IBTK: variants seen among roughly 807,000 people sequenced by gnomAD.
The protein encoded by IBTK is inhibitor of Bruton tyrosine kinase.
In IBTK, 83 loss-of-function variants were observed where a neutral mutation model predicts 154.9. The observed-to-expected ratio is 0.54, with a 90% CI of 0.45 to 0.64. The LOEUF is 0.64. IBTK is among the 30% of genes least tolerant of loss of function. The probability of loss-of-function intolerance (pLI) is 0.00; values close to 1 mark genes in which losing one functional copy is unlikely to be tolerated. For synonymous variants in IBTK, 515 were observed against 536.1 expected, an observed-to-expected ratio of 0.96 and a Z score of 0.54; for missense variants, 1,332 against 1,584.6, an observed-to-expected ratio of 0.84 and a Z score of 2.71.
chr6:82,173,316 G>A, intron 27 of IBTK, 51 bp downstream of exon 27: 1 of 1,350,634 alleles, frequency 7.4e-7, no homozygotes, highest in Non-Finnish European at 1.1e-6. Context: ...TGTTTTCAAT[G>A]CTAAGCAGCA....
intron 3 of IBTK, among the ~76,000 whole-genome samples, chr6:82,233,787 C>G (rs1380245465): frequency 6.9e-6 from 1 of 144,166 alleles, no homozygotes; most frequent in Non-Finnish European, 1.5e-5. Context: ...GATCTCAACT[C>G]ACTGCAACCT....
chr6:82,215,287 A>T (rs1331731800), intron 11 of IBTK, among the ~76,000 whole-genome samples: 1 of 152,070 alleles, frequency 6.6e-6, no homozygotes, highest in African/African-American at 2.4e-5. Flanking sequence ...TCCCTCTTCA[A>T]CAGTACCCTT....
rs1770629699 is a variant in IBTK, at chr6:82,234,217, C to T, written c.360G>A (p.Leu120=). 2 of 1,604,350 alleles carry T rather than the reference C, an allele frequency of 1.2e-6. No homozygotes were observed. Among genetic ancestry groups the T allele is most frequent in the Non-Finnish European group, 1.7e-6 (2 of 1,173,460 alleles). The part of the protein sequence containing the change: ...VSLYIQDKEG[L]SALDLVMKDR... ...CCTTCATTACAAGATCCAAAGCTGA[C>T]AAGCCTTCTTTATCTTGAATATACA... The change falls in exon 3 of 29, where the codon TTG becomes TTA. Residue 120 remains leucine, a synonymous_variant. Coordinates refer to ENST00000306270, the MANE Select transcript of IBTK (RefSeq NM_015525.4).
chr6:82,243,415 G>T (rs528515756), intron 1 of IBTK, among the ~76,000 whole-genome samples: 1 of 152,100 alleles, frequency 6.6e-6, no homozygotes, highest in African/African-American at 2.4e-5. Context: ...TGAAAATTTT[G>T]GAAATAAACA....
intron 5 of IBTK, 97 bp downstream of exon 5, chr6:82,227,095 G>A (rs764725904): frequency 6.1e-5 from 41 of 667,922 alleles, no homozygotes; most frequent in Admixed American, 2.3e-4. Flanking sequence ...GTATTATTTC[G>A]TCCTTACAGT....
intron 2 of IBTK, among the ~76,000 whole-genome samples, chr6:82,234,635 C>T (rs1255320436): frequency 3.3e-5 from 5 of 151,964 alleles, no homozygotes; most frequent in Admixed American, 2.0e-4. Flanking sequence ...CACACCTGGC[C>T]GACTTCCTAT....
At chr6:82,237,754 C>A (rs1289408161) in intron 2 of IBTK, among the ~76,000 whole-genome samples, 3 of 150,946 alleles carry the variant, frequency 2.0e-5, no homozygotes, top group Non-Finnish European at 4.4e-5. Flanking sequence ...TTTACTATTA[C>A]TATATAATAA....
chr6:82,235,419 C>T (rs1192597831), intron 2 of IBTK, among the ~76,000 whole-genome samples: 1 of 151,966 alleles, frequency 6.6e-6, no homozygotes, highest in Non-Finnish European at 1.5e-5. Flanking sequence ...CATGCTGAAA[C>T]CCCATCTGTA....
chr6:82,212,021 G>T (rs967548904), intron 13 of IBTK, among the ~76,000 whole-genome samples: 2 of 151,860 alleles, frequency 1.3e-5, no homozygotes, highest in African/African-American at 4.8e-5. Context: ...TTGAAACGGG[G>T]TCTCGTTCTG....
In IBTK at chr6:82,211,470, G is replaced by T; in HGVS notation, c.2374+20C>A. The T allele has an allele frequency of 6.2e-7, 1 of 1,606,908 alleles. No individual in the cohort carries two copies. Among genetic ancestry groups the T allele is most frequent in the Non-Finnish European group, 8.5e-7 (1 of 1,173,748 alleles). ...CAATACTACAGCAAATAAATCAGCA[G>T]CTTTAAAAAGTGCACCTACCAAGTC... On this transcript the variant is annotated intron_variant, in intron 14 of 28. Coordinates refer to ENST00000306270, the MANE Select transcript of IBTK (RefSeq NM_015525.4).
chr6:82,190,011 A>C (rs773429554), intron 25 of IBTK, among the ~76,000 whole-genome samples: 1 of 152,162 alleles, frequency 6.6e-6, no homozygotes, highest in Non-Finnish European at 1.5e-5. Flanking sequence ...AGTCCCTTAC[A>C]TTTAGAAGGT....
Position 82,171,553 on chromosome 6 carries a change from C to T in IBTK, c.3934G>A (p.Glu1312Lys). The change falls in exon 29 of 29, where the codon GAG (glutamate) becomes AAG (lysine). Residue 1312 changes from glutamate to lysine, a missense_variant. Physicochemically the swap from Glu to Lys is moderately conservative, Grantham distance 56. Transcript: ENST00000306270. ...AATAAATCTTGTATGGCATGCTCCT[C>T]AATCTGAAAGGAGGAAGGGAAAGAA... The part of the protein sequence containing the change: ...REKPLALIQI[E>K]EHAIQDLLVF... 6.3e-7 allele frequency: 1 copy of T among 1,593,612 alleles called. No individual in the cohort carries two copies. Among genetic ancestry groups the T allele is most frequent in the Non-Finnish European group, 8.6e-7 (1 of 1,167,786 alleles).
At chr6:82,231,361 CA>C (rs1256522382) in intron 4 of IBTK, among the ~76,000 whole-genome samples, 1 of 151,318 alleles carries the variant, frequency 6.6e-6, no homozygotes, top group East Asian at 1.9e-4. Context: ...CACTGAGCTT[CA>C]ACAACAAATT....
At chr6:82,175,108 T>C in intron 26 of IBTK, 1 of 395,350 alleles carries the variant, frequency 2.5e-6, no homozygotes, top group South Asian at 1.9e-5. Context: ...TCATTCATCT[T>C]TGTATCTCAG....
chr6:82,189,923 C>T (rs974134712), intron 25 of IBTK, among the ~76,000 whole-genome samples: 1 of 152,168 alleles, frequency 6.6e-6, no homozygotes, highest in Non-Finnish European at 1.5e-5. Flanking sequence ...CTCAGTATTG[C>T]AGCAGTCATA....
chr6:82,196,414 C>A lies in IBTK; in HGVS notation c.3058G>T (p.Glu1020Ter). 4 of 1,611,140 alleles carry A rather than the reference C, an allele frequency of 2.5e-6. No homozygotes were observed. The African/African-American group carries it at 5.3e-5, about 22-fold the overall frequency. ...GATGTCAACAGTTCTGGAAGAGATT[C>A]CACAGAATTGGTCTTACCAGACTTT... is the stretch of plus-strand genomic sequence containing the variant. Reference protein sequence around the residue: ...LLKSGKTNSVESLPELLTSDS... With the variant: ...LLKSGKTNSV Residue 1020 changes from glutamate to a stop codon, truncating the protein, a stop_gained, in exon 22 of 29, where the codon GAA (glutamate) becomes TAA (stop). Transcript: ENST00000306270. LOFTEE classifies it high-confidence loss of function.
chr6:82,191,131 T>A lies in IBTK; in HGVS notation c.3517A>T (p.Asn1173Tyr). 6.2e-7 allele frequency: 1 copy of A among 1,608,178 alleles called. No individual in the cohort carries two copies. Among genetic ancestry groups the A allele is most frequent in the East Asian group, 2.2e-5 (1 of 44,618 alleles). Residue 1173 changes from asparagine to tyrosine, a missense_variant, in exon 25 of 29, where the codon AAT (asparagine) becomes TAT (tyrosine). By Grantham distance (143) the Asn-to-Tyr change is moderately radical. This residue lies in a region of IBTK where 1,134 missense variants were observed against 1,274.7 expected (regional missense o/e 0.89). Transcript: ENST00000306270. ...GTGAATAAAACTGTTTCCATGCTAT[T>A]CATTCCTGAATTGTTTTCCTTGGTA... is the stretch of plus-strand genomic sequence containing the variant. Reference protein sequence around the residue: ...LTTKENNSGMNSMETVLFTPS... With the variant: ...LTTKENNSGMYSMETVLFTPS...
chr6:82,226,411 A>T (rs1049637857), intron 5 of IBTK, among the ~76,000 whole-genome samples: 2 of 152,090 alleles, frequency 1.3e-5, no homozygotes, highest in African/African-American at 2.4e-5. Context: ...TAGTGAACCA[A>T]TTTTCTGATA....
At chr6:82,238,865 A>G (rs1244182353) in intron 2 of IBTK, among the ~76,000 whole-genome samples, 2 of 151,604 alleles carry the variant, frequency 1.3e-5, no homozygotes, top group African/African-American at 4.8e-5. Flanking sequence ...CAGTCTCCCA[A>G]GTAGCTAAGA....
Sources: gnomAD v4.1 joint callset for allele counts (sites outside exome capture counted in the v4.1 genomes callset) on GRCh38, gnomAD v4.1.1 for gene constraint, gnomAD v4.1.1 regional missense constraint, MANE v1.5 for transcripts, NCBI Gene and HGNC (gene_info 2026-07-23, HGNC 2026-07-21) for gene names.